The following GPHN variants were observed in gnomAD, a reference collection of about 807,000 sequenced individuals.
GPHN encodes the protein gephyrin.
In GPHN, 17 loss-of-function variants were observed where a neutral mutation model predicts 95.5. The observed-to-expected ratio is 0.18, with a 90% CI of 0.12 to 0.27. GPHN has a LOEUF of 0.27. Ranked by LOEUF, GPHN falls within the 10% of genes least tolerant of loss-of-function variation. The pLI is 1.00. For missense variants in GPHN, 660 were observed against 978.1 expected, an observed-to-expected ratio of 0.67 and a Z score of 4.34; for synonymous variants, 320 against 322.5, an observed-to-expected ratio of 0.99 and a Z score of 0.08.
At chr14:67,293,755 A>G in the GPHN span, among the ~76,000 whole-genome samples, 5 of 152,324 alleles carry the variant, frequency 3.3e-5, no homozygotes, top group East Asian at 7.7e-4. Flanking sequence ...CACACAGGCA[A>G]GTGAACTGGT....
intron 4 of GPHN, among the ~76,000 whole-genome samples, chr14:66,843,101 CTACTG>C (rs1335645905): frequency 6.6e-6 from 1 of 152,108 alleles, no homozygotes; most frequent in Non-Finnish European, 1.5e-5. Flanking sequence ...CATTGTTTCT[CTACTG>C]TTCTGTCTTC....
chr14:67,182,310 T>A (rs2083338089), downstream of GPHN, among the ~76,000 whole-genome samples: 2 of 152,284 alleles, frequency 1.3e-5, no homozygotes, highest in South Asian at 4.1e-4. Flanking sequence ...CCACAATGGA[T>A]CCTTTAATAA....
chr14:67,143,781 C>T (rs534077293), intron 18 of GPHN, among the ~76,000 whole-genome samples: 1 of 152,030 alleles, frequency 6.6e-6, no homozygotes, highest in Non-Finnish European at 1.5e-5. Context: ...CTCTAAGATC[C>T]TTCCTTCTAC....
chr14:66,793,955 G>A (rs1297369849), intron 3 of GPHN, among the ~76,000 whole-genome samples: 1 of 152,050 alleles, frequency 6.6e-6, no homozygotes. Context: ...AATGTGAATG[G>A]ATTTAACAAT....
At chr14:67,500,326 T>G in the GPHN span, among the ~76,000 whole-genome samples, 57 of 151,620 alleles carry the variant, frequency 3.8e-4, no homozygotes, top group African/African-American at 1.2e-3. Flanking sequence ...ATACAAAAAT[T>G]AGCTGGGCAT....
At chr14:66,899,875 A>G (rs968865501) in intron 5 of GPHN, among the ~76,000 whole-genome samples, 4 of 151,904 alleles carry the variant, frequency 2.6e-5, no homozygotes, top group Non-Finnish European at 5.9e-5. Context: ...AGAATTCACT[A>G]GTGGAACCAT....
chr14:66,994,365 A>AAAAAAAG (rs959980956), intron 9 of GPHN, among the ~76,000 whole-genome samples: 7 of 151,276 alleles, frequency 4.6e-5, no homozygotes, highest in Admixed American at 1.3e-4. Flanking sequence ...AACTGTCTCA[A>AAAAAAAG]AAAAAAGAAA....
the GPHN span, chr14:67,583,592 A>G: frequency 3.6e-6 from 2 of 560,890 alleles, no homozygotes; most frequent in South Asian, 3.1e-5. Context: ...AAAACTTGAG[A>G]TGAAGCGTTT....
intron 1 of GPHN, among the ~76,000 whole-genome samples, chr14:66,525,303 AGT>A (rs1446884024): frequency 6.6e-6 from 1 of 152,174 alleles, no homozygotes; most frequent in Non-Finnish European, 1.5e-5. Context: ...TCTTTTGAGA[AGT>A]GTCTGTTCAT....
At chr14:67,186,158 A>G (rs1950880369), downstream of GPHN, among the ~76,000 whole-genome samples, 1 of 152,222 alleles carries the variant, frequency 6.6e-6, no homozygotes, top group African/African-American at 2.4e-5. Context: ...AAACTCCTAC[A>G]GTATGCCAGG....
intron 19 of GPHN, 50 bp downstream of exon 19, chr14:67,159,538 TTAAC>T (rs751704751): frequency 2.0e-6 from 2 of 985,912 alleles, no homozygotes; most frequent in East Asian, 2.4e-5. Context: ...TTGGCTTGCT[TTAAC>T]TAACAAATTT....
At chr14:67,266,398 T>C in the GPHN span, among the ~76,000 whole-genome samples, 1 of 152,170 alleles carries the variant, frequency 6.6e-6, no homozygotes, top group African/African-American at 2.4e-5. Context: ...TGATCTCAGC[T>C]CACTGCAGCC....
At chr14:67,170,009 C>T (rs144131945) in intron 21 of GPHN, among the ~76,000 whole-genome samples, 258 of 152,110 alleles carry the variant, frequency 1.7e-3, no homozygotes, top group African/African-American at 5.7e-3. Flanking sequence ...ACCCGGGAGG[C>T]GGAGGTTGCA....
chr14:67,324,788 G>T, the GPHN span, among the ~76,000 whole-genome samples: 1 of 150,754 alleles, frequency 6.6e-6, no homozygotes, highest in African/African-American at 2.4e-5. Context: ...GTCTCGCTAT[G>T]TTGCCAGGTT....
intron 8 of GPHN, among the ~76,000 whole-genome samples, chr14:66,946,835 T>C (rs1224304479): frequency 2.6e-5 from 4 of 152,232 alleles, no homozygotes; most frequent in African/African-American, 7.2e-5. Context: ...GTGACTCTTC[T>C]AGATTCACTT....
the GPHN span, chr14:67,374,395 G>T: frequency 6.5e-6 from 5 of 764,986 alleles, no homozygotes; most frequent in African/African-American, 5.3e-5. Context: ...CACTTAATTT[G>T]GTCTTCAAAG....
chr14:67,251,213 G>A, the GPHN span, among the ~76,000 whole-genome samples: 1 of 152,114 alleles, frequency 6.6e-6, no homozygotes, highest in South Asian at 2.1e-4. Flanking sequence ...TTTGATGAAA[G>A]CCATTTTCCA....
chr14:66,557,208 AATAG>A (rs954942813), intron 1 of GPHN, among the ~76,000 whole-genome samples: 2 of 149,332 alleles, frequency 1.3e-5, no homozygotes, highest in Non-Finnish European at 3.0e-5. Flanking sequence ...CCCTGTCTGA[AATAG>A]ATAGATAGAT....
chr14:67,713,464 A>C, the GPHN span, among the ~76,000 whole-genome samples: 2 of 151,116 alleles, frequency 1.3e-5, no homozygotes, highest in Non-Finnish European at 2.9e-5. Flanking sequence ...ATCTTGACCA[A>C]ATTTTGGGAC....
Sources: gnomAD v4.1 joint callset for allele counts (sites outside exome capture counted in the v4.1 genomes callset) on GRCh38, gnomAD v4.1.1 for gene constraint, MANE v1.5 for transcripts, NCBI Gene and HGNC (gene_info 2026-07-23, HGNC 2026-07-21) for gene names.